PDZRN3: variants seen among roughly 807,000 people sequenced by gnomAD.
PDZRN3 encodes the protein E3 ubiquitin-protein ligase PDZRN3.
In PDZRN3, 38 loss-of-function variants were observed where a neutral mutation model predicts 85.7. That is an observed-to-expected ratio of 0.44 (90% CI 0.34 to 0.58). PDZRN3 has a LOEUF of 0.58. PDZRN3 is among the 20% of genes least tolerant of loss of function. The pLI, the probability that PDZRN3 is intolerant of heterozygous loss-of-function variation, is 0.01. For missense variants in PDZRN3, 1,629 were observed against 1,506.4 expected, an observed-to-expected ratio of 1.08 and a Z score of -1.35; for synonymous variants, 759 against 638.0, an observed-to-expected ratio of 1.19 and a Z score of -2.86.
chr3:73,615,580 T>C (rs1317471145), intron 1 of PDZRN3, among the ~76,000 whole-genome samples: 2 of 152,196 alleles, frequency 1.3e-5, no homozygotes, highest in Admixed American at 6.5e-5. Flanking sequence ...CCCTTTCTAC[T>C]ATGTGAGCAC....
chr3:73,611,590 T>G (rs4677315), intron 1 of PDZRN3, among the ~76,000 whole-genome samples: 60,545 of 152,110 alleles, frequency 0.4, 13,363 homozygotes, highest in East Asian at 0.5. Context: ...AAGCAACATG[T>G]AGAAGATTCG....
intron 3 of PDZRN3, among the ~76,000 whole-genome samples, chr3:73,554,981 A>G (rs1447331552): frequency 6.6e-6 from 1 of 152,234 alleles, no homozygotes; most frequent in African/African-American, 2.4e-5. Flanking sequence ...CAGGGAAGGG[A>G]CCAGATTCCA....
rs917881698 is a variant in PDZRN3 at position 73,528,918 on chromosome 3, G to A, written c.918+73436C>T. On this transcript the variant is annotated intron_variant, in intron 3 of 9. Coordinates refer to ENST00000263666, the MANE Select transcript of PDZRN3 (RefSeq NM_015009.3). ...CACACACACACACACACACACACAC[G>A]CACATGCACACACAGAGCAAACCTT... Among the ~76,000 whole-genome samples the A allele has an allele frequency of 3.3e-4, 48 of 144,952 alleles. No individual in the cohort carries two copies. In the South Asian group the frequency reaches 4.4e-3, roughly 13 times the overall value.
intron 3 of PDZRN3, among the ~76,000 whole-genome samples, chr3:73,592,303 A>C (rs1415155172): frequency 1.3e-5 from 2 of 152,146 alleles, no homozygotes. Context: ...GAGTGTCTCC[A>C]AATATTGAAA....
At chr3:73,597,393 C>A (rs1220756739) in intron 3 of PDZRN3, among the ~76,000 whole-genome samples, 1 of 152,142 alleles carries the variant, frequency 6.6e-6, no homozygotes, top group African/African-American at 2.4e-5. Context: ...TAATCATATC[C>A]TCGGGTCTTC....
chr3:73,502,071 G>A (rs1703990756), intron 3 of PDZRN3, among the ~76,000 whole-genome samples: 1 of 152,116 alleles, frequency 6.6e-6, no homozygotes, highest in Admixed American at 6.5e-5. Flanking sequence ...AGAAAATGAA[G>A]CTCCTTGAAT....
chr3:73,569,517 G>A (rs1702012668), intron 3 of PDZRN3: 1 of 1,050,224 alleles, frequency 9.5e-7, no homozygotes, highest in Non-Finnish European at 1.1e-6. Flanking sequence ...AATGAGATCA[G>A]CTGCTCCTCA....
At chr3:73,439,919 A>T (rs1702600339) in intron 3 of PDZRN3, among the ~76,000 whole-genome samples, 1 of 137,588 alleles carries the variant, frequency 7.3e-6, no homozygotes, top group Non-Finnish European at 1.5e-5. Flanking sequence ...TTCTATTTTT[A>T]GTAGAGTTGG....
chr3:73,409,392 C>T (rs1414196252), intron 3 of PDZRN3, among the ~76,000 whole-genome samples: 6 of 152,130 alleles, frequency 3.9e-5, no homozygotes, highest in South Asian at 2.1e-4. Context: ...ACAAAGCTGG[C>T]GAGCTTTCCA....
chr3:73,472,757 C>G (rs1378365230), intron 3 of PDZRN3, among the ~76,000 whole-genome samples: 1 of 152,142 alleles, frequency 6.6e-6, no homozygotes, highest in African/African-American at 2.4e-5. Flanking sequence ...TACATCATGG[C>G]TGAGAAAAAC....
intron 3 of PDZRN3, among the ~76,000 whole-genome samples, chr3:73,560,082 G>GC (rs1353614589): frequency 2.6e-5 from 4 of 152,204 alleles, no homozygotes; most frequent in African/African-American, 9.6e-5. Context: ...ACCAGACAGT[G>GC]CCTGCTCTCA....
In PDZRN3 at chr3:73,439,684, T is replaced by C. The variant is rs1387942587; in HGVS notation, c.919-35289A>G. 2.6e-5 allele frequency among the ~76,000 whole-genome samples: 4 copies of C among 152,204 alleles called. No homozygotes were observed. The East Asian group carries it at 7.7e-4, about 29-fold the overall frequency. On this transcript the variant is annotated intron_variant, in intron 3 of 9. Transcript: ENST00000263666. ...ACAGCAGCTGTGAGTGCAGTTTTTG[T>C]TTCTGAAAAGCTATGTAAGCTCAGA...
intron 3 of PDZRN3, among the ~76,000 whole-genome samples, chr3:73,437,001 G>T (rs1235940717): frequency 6.7e-6 from 1 of 148,274 alleles, no homozygotes; most frequent in Non-Finnish European, 1.5e-5. Flanking sequence ...AGCCAAGATG[G>T]TGCCCACTGC....
At chr3:73,426,582 G>A (rs1702319916) in intron 3 of PDZRN3, among the ~76,000 whole-genome samples, 1 of 152,186 alleles carries the variant, frequency 6.6e-6, no homozygotes, top group Non-Finnish European at 1.5e-5. Flanking sequence ...TGTCTGAGAT[G>A]TGACTTCTTT....
chr3:73,384,000 C>A lies in PDZRN3; in HGVS notation c.2566G>T (p.Gly856Cys). Residue 856 changes from glycine (G) to cysteine (C), a missense_variant, in exon 10 of 10, where the codon GGC (glycine) becomes TGC (cysteine). Gly to Cys is a radical substitution (Grantham distance 159). Transcript: ENST00000263666. ...SRSPTPSQKL[G>C]SAYLPSYHHS... ...TGATAGGAGGGCAGGTAGGCGCTGC[C>A]CAGCTTCTGGCTGGGCGTGGGGCTC... 6.3e-7 allele frequency: 1 copy of A among 1,590,242 alleles called. No homozygotes were observed. The highest frequency in any genetic ancestry group is 8.5e-7 in the Non-Finnish European group (1 of 1,170,218).
intron 3 of PDZRN3, among the ~76,000 whole-genome samples, chr3:73,592,256 T>G (rs1483402074): frequency 6.6e-6 from 1 of 152,226 alleles, no homozygotes; most frequent in African/African-American, 2.4e-5. Context: ...AAAAAACCTG[T>G]CTTTTTAAAT....
intron 3 of PDZRN3, among the ~76,000 whole-genome samples, chr3:73,516,828 C>G (rs1463095938): frequency 6.6e-6 from 1 of 152,140 alleles, no homozygotes; most frequent in African/African-American, 2.4e-5. Flanking sequence ...CTGCCCAAAC[C>G]TTCTACAGAT....
At chr3:73,564,633 T>C (rs1181772558) in intron 3 of PDZRN3, among the ~76,000 whole-genome samples, 3 of 152,332 alleles carry the variant, frequency 2.0e-5, no homozygotes, top group Non-Finnish European at 2.9e-5. Flanking sequence ...TTCCAGGTCA[T>C]TCCTGGTACC....
rs760051084 is a variant in PDZRN3 at position 73,384,557 on chromosome 3, G to A, written c.2009C>T (p.Pro670Leu). The change falls in exon 10 of 10, where the codon CCC (proline) becomes CTC (leucine). Residue 670 changes from proline to leucine, a missense_variant. Physicochemically the swap from Pro to Leu is moderately conservative, Grantham distance 98. Transcript: ENST00000263666. ...TPYGLYYPSG[P>L]LDAGKSDPES... ...AGGGTCACTCTTGCCGGCGTCCAGG[G>A]GGCCGCTAGGGTAGTACAGGCCGTA... 1.9e-6 allele frequency: 3 copies of A among 1,613,650 alleles called. No individual in the cohort carries two copies. The highest frequency in any genetic ancestry group is 4.5e-5 in the East Asian group (2 of 44,868).
Sources: gnomAD v4.1 joint callset for allele counts (sites outside exome capture counted in the v4.1 genomes callset) on GRCh38, gnomAD v4.1.1 for gene constraint, MANE v1.5 for transcripts, NCBI Gene and HGNC (gene_info 2026-07-23, HGNC 2026-07-21) for gene names.